BCL3: variants seen among roughly 807,000 people sequenced by gnomAD.
BCL3 encodes the protein B-cell lymphoma 3 protein.
In BCL3, 15 loss-of-function variants were observed where a neutral mutation model predicts 35.7. That is an observed-to-expected ratio of 0.42 (90% CI 0.28 to 0.65). BCL3 has a LOEUF of 0.65. Among genes scored for constraint, BCL3 ranks in the 30% least tolerant of loss-of-function variants. The pLI is 0.22. For synonymous variants in BCL3, 311 were observed against 284.3 expected (o/e 1.09, Z -0.95); for missense variants, 565 against 641.7 (o/e 0.88, Z 1.29).
At chr19:44,750,354 ATTG>A (rs1568542579) in intron 1 of BCL3, among the ~76,000 whole-genome samples, 2 of 151,882 alleles carry the variant, frequency 1.3e-5, no homozygotes, top group African/African-American at 4.8e-5. Flanking sequence ...GCTGGAGTGC[ATTG>A]GCGTGATCTC....
rs1470457842 is a variant in BCL3 at position 44,756,885 on chromosome 19, A to C, written c.520-132A>C. ...CATGGGGCCCGGACTCTTGAATCTG[A>C]GACAGGAGGTGTCTCAGGTTTCTGT... On this transcript the variant is annotated intron_variant, in intron 3 of 8. Coordinates refer to ENST00000164227, the MANE Select transcript of BCL3 (RefSeq NM_005178.5). The C allele has an allele frequency of 1.0e-5, 9 of 863,278 alleles. No individual in the cohort carries two copies. The Admixed American group carries it at 2.5e-4, about 24-fold the overall frequency. The allele number at this position is 863,278 out of a possible 1,614,324, so 53.5% of individuals were successfully genotyped here. A position where few individuals can be genotyped will look rare whatever the true frequency, so the allele number is the denominator to read the frequency against.
At chr19:44,749,792 G>C (rs1021016575) in intron 1 of BCL3, among the ~76,000 whole-genome samples, 1 of 152,144 alleles carries the variant, frequency 6.6e-6, no homozygotes, top group African/African-American at 2.4e-5. Context: ...GGGGACTGAG[G>C]ATCCTAAGAT....
At position 44,748,916 on chromosome 19, in the gene BCL3, G is replaced by A; in HGVS notation, c.126G>A (p.Pro42=). The change falls in exon 1 of 9, where the codon CCG becomes CCA. Residue 42 remains proline, a synonymous_variant. Transcript: ENST00000164227. ...LRKRPLRAPS[P]EPAAPRGAAG... ...AGCGCCCGCTGCGCGCGCCCTCCCC[G>A]GAGCCCGCCGCTCCCCGCGGCGCTG... 8.6e-7 allele frequency: 1 copy of A among 1,164,450 alleles called. No homozygotes were observed. Among genetic ancestry groups the A allele is most frequent in the African/African-American group, 1.6e-5 (1 of 61,482 alleles). The allele number at this position is 1,164,450 out of a possible 1,614,324, so 72.1% of individuals were successfully genotyped here.
chr19:44,749,919 T>TGG (rs779623685), intron 1 of BCL3, among the ~76,000 whole-genome samples: 17 of 152,154 alleles, frequency 1.1e-4, no homozygotes, highest in Non-Finnish European at 2.2e-4. Context: ...CCTGGAAACT[T>TGG]GGGAGTTCAA....
rs930888516 is a variant in BCL3, at chr19:44,757,988, C to A, written c.892-258C>A. On this transcript the variant is annotated intron_variant, in intron 6 of 8. Coordinates refer to ENST00000164227, the MANE Select transcript of BCL3 (RefSeq NM_005178.5). This position sits in a 1 kb window ranked among gnomAD's most constrained non-coding sequence, Gnocchi z 8.4. ...GGCTGACCCCGCCTTCCAGCTAGGC[C>A]CTGTCCACGCATTGTCCTTCCCCCC... Among the ~76,000 whole-genome samples the A allele has an allele frequency of 1.3e-5, 2 of 152,238 alleles. No individual in the cohort carries two copies. Among genetic ancestry groups the A allele is most frequent in the African/African-American group, 4.8e-5 (2 of 41,466 alleles).
chr19:44,758,475 C>A, intron 7 of BCL3, 62 bp downstream of exon 7: 1 of 1,503,296 alleles, frequency 6.7e-7, no homozygotes, highest in Non-Finnish European at 8.9e-7. Flanking sequence ...TGGTTGCAGG[C>A]GAGTGTGCCA....
At chr19:44,748,460 C>T (rs1255923729), upstream of BCL3, 1 of 155,916 alleles carries the variant, frequency 6.4e-6, no homozygotes, top group African/African-American at 2.4e-5. Flanking sequence ...CCTCCTCTCC[C>T]CCCACCCCTC....
In BCL3 at chr19:44,759,990, A is replaced by C; in HGVS notation, c.*375A>C. The stretch of plus-strand genomic sequence containing the variant: ...CGTAACGGGCACGGATCACGATGTA[A>C]ATTATTAAGCATTTTGGTTGGATTT... On this transcript the variant is annotated 3_prime_UTR_variant, in exon 9 of 9. Coordinates refer to ENST00000164227, the MANE Select transcript of BCL3 (RefSeq NM_005178.5). 1 of 269,226 alleles carries C rather than the reference A, an allele frequency of 3.7e-6. No individual in the cohort carries two copies. The highest frequency in any genetic ancestry group is 2.2e-5 in the African/African-American group (1 of 46,300). The allele number at this position is 269,226 out of a possible 1,614,324, so 16.7% of individuals were successfully genotyped here.
intron 7 of BCL3, 103 bp from the exon 8 acceptor site, chr19:44,758,621 T>G: frequency 3.1e-6 from 4 of 1,276,396 alleles, no homozygotes; most frequent in Non-Finnish European, 3.3e-6. Context: ...CTTTTCATAC[T>G]GAGAAGTGGA....
chr19:44,747,883 G>A, upstream of BCL3: 1 of 1,151,216 alleles, frequency 8.7e-7, no homozygotes, highest in Non-Finnish European at 1.1e-6. Context: ...CCCGGCTGGG[G>A]GCAGGGCCCC....
chr19:44,758,305 C>T lies in BCL3; in HGVS notation c.951C>T (p.Ser317=), dbSNP rs922016661. Residue 317 remains serine, a synonymous_variant, in exon 7 of 9, where the codon TCC becomes TCT. Transcript: ENST00000164227. The part of the protein sequence containing the change: ...YSGSSALHSA[S]GRGLLPLVRT... ...GCAGCTCCGCCCTGCACTCAGCGTCCGGCCGCGGGCTCCTCCCGCTGGTGC... is the reference window on the plus strand; with the variant it reads ...GCAGCTCCGCCCTGCACTCAGCGTCTGGCCGCGGGCTCCTCCCGCTGGTGC... 3.8e-6 allele frequency: 6 copies of T among 1,563,900 alleles called. No homozygotes were observed. Among genetic ancestry groups the T allele is most frequent in the Admixed American group, 1.9e-5 (1 of 53,468 alleles).
Position 44,759,714 on chromosome 19 carries a change from C to CA in BCL3, c.*99_*100insA, listed in dbSNP as rs939794482. On this transcript the variant is annotated 3_prime_UTR_variant, in exon 9 of 9. Transcript: ENST00000164227. ...CTGTGAAGATCTCACTCTGCCCCCC[C>CA]CCCCCATCTTCGGGACCAGGATTTG... 11 of 654,466 alleles carry CA rather than the reference C, an allele frequency of 1.7e-5. No individual in the cohort carries two copies. Among genetic ancestry groups the CA allele is most frequent in the Middle Eastern group, 4.2e-4 (1 of 2,400 alleles). 40.5% of individuals were successfully genotyped at this position (654,466 alleles called of 1,614,324 possible). A position where few individuals can be genotyped will look rare whatever the true frequency, so the allele number is the denominator to read the frequency against.
At chr19:44,747,855 C>T, upstream of BCL3, 1 of 1,154,074 alleles carries the variant, frequency 8.7e-7, no homozygotes, top group Non-Finnish European at 1.1e-6. Flanking sequence ...CGAGCACCCA[C>T]CCCGGTGCCC....
chr19:44,758,980 A>T, intron 8 of BCL3, 139 bp downstream of exon 8: 1 of 662,664 alleles, frequency 1.5e-6, no homozygotes, highest in Non-Finnish European at 2.4e-6. Flanking sequence ...CCCAACCCAT[A>T]GCCCCTCCTC....
chr19:44,747,937 A>AAC, upstream of BCL3: 29 of 1,049,674 alleles, frequency 2.8e-5, no homozygotes, highest in Non-Finnish European at 3.2e-5. Flanking sequence ...CCCCACCCTC[A>AAC]CCCCACCCCC....
At chr19:44,758,874 G>A (rs755655301) in intron 8 of BCL3, 33 bp downstream of exon 8, 2 of 1,512,268 alleles carry the variant, frequency 1.3e-6, no homozygotes. Flanking sequence ...CAGCCCTGGC[G>A]CCTCCTCCCT....
intron 2 of BCL3, among the ~76,000 whole-genome samples, chr19:44,754,680 C>T (rs1243542874): frequency 6.6e-6 from 1 of 152,220 alleles, no homozygotes; most frequent in Non-Finnish European, 1.5e-5. Flanking sequence ...CCAGGCCAGG[C>T]GTCCTGGGAG....
upstream of BCL3, chr19:44,748,661 C>T (rs1383962092): frequency 1.5e-5 from 15 of 1,026,504 alleles, no homozygotes; most frequent in Middle Eastern, 4.6e-4. Flanking sequence ...AGGCGGGCGG[C>T]CGGCACCGCC....
At chr19:44,750,417 G>C (rs1967155629) in intron 1 of BCL3, among the ~76,000 whole-genome samples, 1 of 152,074 alleles carries the variant, frequency 6.6e-6, no homozygotes, top group Non-Finnish European at 1.5e-5. Flanking sequence ...TTGTGCCTCA[G>C]CCTCCCGAGT....
Sources: allele counts gnomAD v4.1 joint callset (sites outside exome capture counted in the v4.1 genomes callset), GRCh38; gene constraint gnomAD v4.1.1; non-coding constraint Gnocchi (gnomAD v3.1); transcripts MANE v1.5; gene names NCBI Gene and HGNC (gene_info 2026-07-23, HGNC 2026-07-21).